GRIA1: variants seen among roughly 807,000 people sequenced by gnomAD.
The protein encoded by GRIA1 is glutamate ionotropic receptor AMPA type subunit 1, also known as glutamate receptor 1.
Under a neutral mutation model 99.2 loss-of-function variants are expected in GRIA1, and 31 were observed. The observed-to-expected ratio is 0.31, with a 90% confidence interval of 0.23 to 0.42. The LOEUF (loss-of-function observed/expected upper bound fraction) is 0.42, where lower values mean the gene tolerates loss of function less well. Ranked by LOEUF, GRIA1 falls within the 10% of genes least tolerant of loss-of-function variation. The probability of loss-of-function intolerance (pLI) is 1.00; values close to 1 mark genes in which losing one functional copy is unlikely to be tolerated. For synonymous variants in GRIA1, 438 were observed against 432.4 expected, an observed-to-expected ratio of 1.01 and a Z score of -0.16; for missense variants, 782 against 1,157.5, an observed-to-expected ratio of 0.68 and a Z score of 4.71.
intron 11 of GRIA1, among the ~76,000 whole-genome samples, chr5:153,761,201 G>A (rs1763161794): frequency 6.6e-6 from 1 of 152,070 alleles, no homozygotes; most frequent in Non-Finnish European, 1.5e-5. Flanking sequence ...AAAAGCTTCA[G>A]CATGGCAAAA....
intron 2 of GRIA1, among the ~76,000 whole-genome samples, chr5:153,634,185 G>T (rs1338107073): frequency 6.6e-6 from 1 of 151,984 alleles, no homozygotes; most frequent in Non-Finnish European, 1.5e-5. Context: ...AGTCGTGATG[G>T]CAGGCACCTG....
At position 153,706,064 on chromosome 5, in the gene GRIA1, C is replaced by T; in HGVS notation, c.1820C>T (p.Pro607Leu). ...AFMQQGCDIS[P>L]RSLSGRIVGG... ...ATGCAGCAAGGATGTGACATTTCTC[C>T]CAGGTCAGTCAGCTCTTCTCAATCC... The change falls in exon 11 of 16, where the codon CCC (proline) becomes CTC (leucine). Residue 607 changes from proline to leucine, a missense_variant. By Grantham distance (98) the Pro-to-Leu change is moderately conservative. Transcript: ENST00000285900. 1 of 1,613,710 alleles carries T rather than the reference C, an allele frequency of 6.2e-7. No individual in the cohort carries two copies.
chr5:153,751,473 C>T (rs1561829973), intron 11 of GRIA1, among the ~76,000 whole-genome samples: 2 of 152,234 alleles, frequency 1.3e-5, no homozygotes, highest in East Asian at 3.8e-4. Context: ...CCTGTTTTGG[C>T]ATTCAAGTGT....
At chr5:153,537,995 G>A (rs896454564) in intron 2 of GRIA1, among the ~76,000 whole-genome samples, 1 of 152,170 alleles carries the variant, frequency 6.6e-6, no homozygotes, top group Non-Finnish European at 1.5e-5. Context: ...AGGCAGGGAG[G>A]TGATACAGTG....
chr5:153,655,796 T>C (rs572635289), intron 4 of GRIA1, 23 bp from the exon 5 acceptor site: 2 of 1,606,498 alleles, frequency 1.2e-6, no homozygotes, highest in East Asian at 4.5e-5. Flanking sequence ...GATTAATGAG[T>C]CTCCACCTAT....
chr5:153,618,055 C>A (rs1766683071), intron 2 of GRIA1, among the ~76,000 whole-genome samples: 1 of 152,122 alleles, frequency 6.6e-6, no homozygotes, highest in African/African-American at 2.4e-5. Context: ...TATTTGGTTT[C>A]TTGTATGCTG....
chr5:153,797,655 C>A (rs1241568164), intron 14 of GRIA1, among the ~76,000 whole-genome samples: 3 of 152,188 alleles, frequency 2.0e-5, no homozygotes, highest in Non-Finnish European at 4.4e-5. Flanking sequence ...TTGGGTTCCC[C>A]TCTGCAAGCC....
intron 2 of GRIA1, among the ~76,000 whole-genome samples, chr5:153,513,893 C>T (rs1232507309): frequency 2.6e-5 from 4 of 152,154 alleles, no homozygotes; most frequent in Admixed American, 2.6e-4. Context: ...GCAGTCTTTA[C>T]AGGCATGGAA....
intron 10 of GRIA1, among the ~76,000 whole-genome samples, chr5:153,704,479 GGT>G (rs1180521629): frequency 6.6e-6 from 1 of 152,216 alleles, no homozygotes; most frequent in Non-Finnish European, 1.5e-5. Context: ...AACAAGGCAT[GGT>G]TGGTGATTCC....
chr5:153,799,081 A>AC (rs35942304), intron 14 of GRIA1, among the ~76,000 whole-genome samples: 2,206 of 150,000 alleles, frequency 0.015, 50 homozygotes, highest in African/African-American at 0.048. Context: ...TGACTTTTCC[A>AC]CCCCCCCCTG....
chr5:153,490,651 G>A, upstream of GRIA1: 1 of 571,224 alleles, frequency 1.8e-6, no homozygotes. Flanking sequence ...CATGAGGACG[G>A]GCTTCTTTTC....
At chr5:153,787,459 C>T (rs983492304) in intron 13 of GRIA1, among the ~76,000 whole-genome samples, 1 of 151,872 alleles carries the variant, frequency 6.6e-6, no homozygotes, top group Non-Finnish European at 1.5e-5. Context: ...CTCCCTTATG[C>T]TGAACATCTC....
intron 2 of GRIA1, among the ~76,000 whole-genome samples, chr5:153,570,865 A>G (rs887709927): frequency 6.6e-6 from 1 of 152,218 alleles, no homozygotes; most frequent in African/African-American, 2.4e-5. Context: ...CCTATAGTCA[A>G]ATAGAATAAG....
intron 2 of GRIA1, among the ~76,000 whole-genome samples, chr5:153,512,301 G>T (rs781561381): frequency 7.9e-5 from 12 of 152,148 alleles, no homozygotes; most frequent in Non-Finnish European, 1.8e-4. Flanking sequence ...TTTACACGCA[G>T]GTAATAGGAA....
Position 153,719,137 on chromosome 5 carries a change from A to T in GRIA1, c.1823+13070A>T, listed in dbSNP as rs768142403. Among the ~76,000 whole-genome samples the T allele has an allele frequency of 3.3e-5, 5 of 152,262 alleles. 1 individual carries two copies. Among genetic ancestry groups the T allele is most frequent in the Admixed American group, 1.3e-4 (2 of 15,300 alleles). Reference sequence around the variant, plus strand: ...AGTGATGGATATTGGCTTTGCAGGAATTGTAAATATGCAGGGCTTTCTCAA... The same window carrying T: ...AGTGATGGATATTGGCTTTGCAGGATTTGTAAATATGCAGGGCTTTCTCAA... On this transcript the variant is annotated intron_variant, in intron 11 of 15. Transcript: ENST00000285900.
At chr5:153,651,272 C>T (rs1376416161) in intron 4 of GRIA1, among the ~76,000 whole-genome samples, 1 of 152,080 alleles carries the variant, frequency 6.6e-6, no homozygotes, top group Non-Finnish European at 1.5e-5. Flanking sequence ...AAGCAGCAGG[C>T]ACCTTTATTT....
intron 13 of GRIA1, among the ~76,000 whole-genome samples, chr5:153,781,930 C>T (rs1204924648): frequency 6.6e-6 from 1 of 152,194 alleles, no homozygotes; most frequent in Non-Finnish European, 1.5e-5. Flanking sequence ...CAACCTCAAA[C>T]ACCCCAGGGC....
chr5:153,517,679 C>T (rs1454359777), intron 2 of GRIA1, among the ~76,000 whole-genome samples: 1 of 152,176 alleles, frequency 6.6e-6, no homozygotes, highest in African/African-American at 2.4e-5. Flanking sequence ...GTGCTAGTTA[C>T]AAAATATATT....
At chr5:153,730,742 C>T (rs1233963143) in intron 11 of GRIA1, among the ~76,000 whole-genome samples, 2 of 152,046 alleles carry the variant, frequency 1.3e-5, no homozygotes, top group Admixed American at 6.6e-5. Context: ...CACATTGTTG[C>T]ATTAATCCAA....
Sources: allele counts gnomAD v4.1 joint callset (sites outside exome capture counted in the v4.1 genomes callset), GRCh38; gene constraint gnomAD v4.1.1; transcripts MANE v1.5; gene names NCBI Gene and HGNC (gene_info 2026-07-23, HGNC 2026-07-21).